CNTRL: variants seen among roughly 807,000 people sequenced by gnomAD.
The protein encoded by CNTRL is 110 kDa centrosomal protein.
CNTRL carries 233 observed loss-of-function variants against 303.7 expected under a neutral mutation model. That is an observed-to-expected ratio of 0.77 (90% confidence interval 0.69 to 0.86). The LOEUF is 0.86. Ranked by LOEUF, CNTRL falls within the 40% of genes least tolerant of loss-of-function variation. The pLI is 0.00. For synonymous variants in CNTRL, 900 were observed against 922.2 expected (o/e 0.98, Z 0.44); for missense variants, 2,524 against 2,650.6 (o/e 0.95, Z 1.05).
Position 121,175,624 on chromosome 9 carries a change from C to T in CNTRL, c.6954+400C>T, listed in dbSNP as rs115901426. On this transcript the variant is annotated intron_variant, in intron 43 of 43. Transcript: ENST00000373855. ...TATTACATAGAAAGTACTTAAAAGC[C>T]GTGGGGTGTATAATCTAGAGGAGAT... Among the ~76,000 whole-genome samples, 215 of 152,244 alleles carry T rather than the reference C, an allele frequency of 1.4e-3. 2 individuals carry two copies. Among genetic ancestry groups the T allele is most frequent in the African/African-American group, 4.6e-3 (192 of 41,544 alleles).
intron 9 of CNTRL, 23 bp downstream of exon 9, chr9:121,112,601 T>G: frequency 6.2e-7 from 1 of 1,609,588 alleles, no homozygotes; most frequent in Non-Finnish European, 8.5e-7. Context: ...AATTTTTTAG[T>G]AATCCAAAGT....
intron 43 of CNTRL, 47 bp downstream of exon 43, chr9:121,175,271 T>A: frequency 6.4e-7 from 1 of 1,559,164 alleles, no homozygotes; most frequent in Non-Finnish European, 8.8e-7. Context: ...CTGAGGTTGT[T>A]TTTTGTCTTT....
At chr9:121,102,057 A>T (rs892241941) in intron 7 of CNTRL, among the ~76,000 whole-genome samples, 2 of 152,248 alleles carry the variant, frequency 1.3e-5, no homozygotes, top group Non-Finnish European at 2.9e-5. Flanking sequence ...TTATGAGGCC[A>T]GCATCATCCT....
At chr9:121,164,047 G>T (rs953725177) in intron 34 of CNTRL, among the ~76,000 whole-genome samples, 3 of 152,010 alleles carry the variant, frequency 2.0e-5, no homozygotes, top group Non-Finnish European at 4.4e-5. Context: ...TGTATTTTTA[G>T]TAGAGACGGG....
chr9:121,084,575 C>T (rs958785518), intron 2 of CNTRL, among the ~76,000 whole-genome samples: 4 of 148,476 alleles, frequency 2.7e-5, no homozygotes, highest in East Asian at 3.9e-4. Flanking sequence ...GATGGAGTCT[C>T]GCTTTGTCAC....
At position 121,143,891 on chromosome 9, in the gene CNTRL, C is replaced by A. The variant is rs1554756595; in HGVS notation, c.2872-12C>A. ...TGATTCATCTGTTTAATTAATATTT[C>A]TTTTATTTTAGAAGAAACTTGAAGA... On this transcript the variant is annotated splice_polypyrimidine_tract_variant and intron_variant, in intron 19 of 43. Transcript: ENST00000373855. 2 of 1,576,394 alleles carry A rather than the reference C, an allele frequency of 1.3e-6. No individual in the cohort carries two copies. Among genetic ancestry groups the A allele is most frequent in the Non-Finnish European group, 1.7e-6 (2 of 1,163,152 alleles).
At chr9:121,089,984 CTACAT>C (rs1215908470) in intron 3 of CNTRL, among the ~76,000 whole-genome samples, 1 of 151,938 alleles carries the variant, frequency 6.6e-6, no homozygotes, top group Non-Finnish European at 1.5e-5. Context: ...ATTATAGTTA[CTACAT>C]TACAATACGT....
chr9:121,133,602 AT>A (rs1201159811), intron 14 of CNTRL, among the ~76,000 whole-genome samples: 1 of 152,178 alleles, frequency 6.6e-6, no homozygotes, highest in East Asian at 1.9e-4. Context: ...GACGCCTTGC[AT>A]TTCCTGGGTG....
chr9:121,122,597 A>G (rs2050290869), intron 12 of CNTRL, among the ~76,000 whole-genome samples: 1 of 152,114 alleles, frequency 6.6e-6, no homozygotes, highest in African/African-American at 2.4e-5. Context: ...AGAGTCATGA[A>G]GGTGTGAGTG....
intron 7 of CNTRL, among the ~76,000 whole-genome samples, chr9:121,102,443 A>C (rs2049225404): frequency 6.6e-6 from 1 of 152,232 alleles, no homozygotes; most frequent in Non-Finnish European, 1.5e-5. Context: ...CCAATATCAT[A>C]CTGAATGGGC....
At position 121,150,372 on chromosome 9, in the gene CNTRL, C is replaced by T. The variant is rs1191925774; in HGVS notation, c.3852C>T (p.Gly1284=). The part of the protein sequence containing the change: ...RPLTPGTVVY[G]PPPAGAPMVY... ...TCACCCCTGGCACTGTTGTTTATGG[C>T]CCACCTCCTGCTGGGGCCCCCATGG... The change falls in exon 25 of 44, where the codon GGC becomes GGT. Residue 1284 remains glycine, a synonymous_variant. Transcript: ENST00000373855. 5 of 1,614,164 alleles carry T rather than the reference C, an allele frequency of 3.1e-6. No homozygotes were observed. Among genetic ancestry groups the T allele is most frequent in the Admixed American group, 3.3e-5 (2 of 60,028 alleles).
intron 8 of CNTRL, among the ~76,000 whole-genome samples, chr9:121,109,482 T>A (rs2049646164): frequency 6.6e-6 from 1 of 152,130 alleles, no homozygotes; most frequent in Non-Finnish European, 1.5e-5. Flanking sequence ...TTCCATTAAA[T>A]GTATTCTTCA....
chr9:121,093,888 C>CT (rs1289925883), intron 4 of CNTRL, among the ~76,000 whole-genome samples: 1 of 152,038 alleles, frequency 6.6e-6, no homozygotes, highest in Non-Finnish European at 1.5e-5. Context: ...AGCATAAGTA[C>CT]TTGATTTAAC....
At chr9:121,077,581 C>G (rs933290493) in intron 1 of CNTRL, among the ~76,000 whole-genome samples, 2 of 152,132 alleles carry the variant, frequency 1.3e-5, no homozygotes, top group African/African-American at 4.8e-5. Context: ...CTGACTTTTA[C>G]TAATCAGGAG....
intron 2 of CNTRL, among the ~76,000 whole-genome samples, chr9:121,086,155 ACT>A (rs1432132816): frequency 3.9e-5 from 6 of 151,960 alleles, no homozygotes; most frequent in African/African-American, 9.7e-5. Context: ...CTGGAAGATA[ACT>A]CTATTCATTC....
In CNTRL at chr9:121,107,840, A is replaced by G. The variant is rs754217349; in HGVS notation, c.847A>G (p.Met283Val). Residue 283 changes from methionine to valine, a missense_variant, in exon 8 of 44, where the codon ATG becomes GTG. Physicochemically the swap from Met to Val is conservative, Grantham distance 21. Transcript: ENST00000373855. ...ACTGGAAAGAGACCTAGAAAAAAAG[A>G]TGATAGAAACTGAAGAGCTTAAGAG... ...ERLERDLEKKMIETEELKSKQ... is the reference protein window; with the variant it reads ...ERLERDLEKKVIETEELKSKQ... 11 of 1,592,126 alleles carry G rather than the reference A, an allele frequency of 6.9e-6. No individual in the cohort carries two copies. In the South Asian group the frequency reaches 1.3e-4, roughly 19 times the overall value.
intron 1 of CNTRL, among the ~76,000 whole-genome samples, chr9:121,076,719 G>A (rs1276121276): frequency 2.0e-5 from 3 of 152,070 alleles, no homozygotes; most frequent in African/African-American, 7.3e-5. Flanking sequence ...GCAGAGGTGG[G>A]TGGGCAGCAC....
rs559273092 is a variant in CNTRL at position 121,087,595 on chromosome 9, G to A, written c.-31-701G>A. 3.3e-5 allele frequency among the ~76,000 whole-genome samples: 5 copies of A among 152,246 alleles called. No homozygotes were observed. The East Asian group carries it at 7.7e-4, about 24-fold the overall frequency. ...AATCCCAGCTGCTCGGGAGGTCGAG[G>A]CAGAAGAATAGCTTGAACCTGGGAG... On this transcript the variant is annotated intron_variant, in intron 2 of 43. Transcript: ENST00000373855.
intron 3 of CNTRL, among the ~76,000 whole-genome samples, chr9:121,089,588 A>G (rs2132278947): frequency 6.6e-6 from 1 of 152,220 alleles, no homozygotes; most frequent in East Asian, 2.0e-4. Flanking sequence ...CAACAAATTT[A>G]GAGTTTCTTA....
Sources: gnomAD v4.1 joint callset for allele counts (sites outside exome capture counted in the v4.1 genomes callset) on GRCh38, gnomAD v4.1.1 for gene constraint, MANE v1.5 for transcripts, NCBI Gene and HGNC (gene_info 2026-07-23, HGNC 2026-07-21) for gene names.